Variants in SPTBN2 observed in about 807,000 individuals in gnomAD.
SPTBN2 encodes spectrin beta, non-erythrocytic 2.
Under a neutral mutation model 284.2 loss-of-function variants are expected in SPTBN2, and 107 were observed. The observed-to-expected ratio is 0.38, with a 90% CI of 0.32 to 0.44. The LOEUF is 0.44. SPTBN2 is among the 20% of genes least tolerant of loss of function. The pLI, the probability that SPTBN2 is intolerant of heterozygous loss-of-function variation, is 1.00. For missense variants in SPTBN2, 2,569 were observed against 3,287.1 expected (o/e 0.78, Z 5.34); for synonymous variants, 1,289 against 1,354.8 (o/e 0.95, Z 1.07).
intron 3 of SPTBN2, 66 bp downstream of exon 3, chr11:66,721,018 C>G: frequency 1.2e-6 from 2 of 1,606,442 alleles, no homozygotes; most frequent in Non-Finnish European, 8.5e-7. Flanking sequence ...AGTTAAAGGG[C>G]TCTTCATGAC....
At chr11:66,717,828 C>A (rs1259736108) in intron 3 of SPTBN2, among the ~76,000 whole-genome samples, 1 of 152,218 alleles carries the variant, frequency 6.6e-6, no homozygotes, top group Non-Finnish European at 1.5e-5. Context: ...GATCCTTACA[C>A]ACACACACAC....
Position 66,688,168 on chromosome 11 carries a change from C to G in SPTBN2, c.6374+1G>C. ...TCCTACCCAGGCATCCTGGCTCTCACCCGTCCCAGGTGGTGTCAGAAGCTG... is the reference window on the plus strand; with the variant it reads ...TCCTACCCAGGCATCCTGGCTCTCAGCCGTCCCAGGTGGTGTCAGAAGCTG... On this transcript the variant is annotated splice_donor_variant, in intron 32 of 37. Coordinates refer to ENST00000533211, the MANE Select transcript of SPTBN2 (RefSeq NM_006946.4). LOFTEE classifies it high-confidence loss of function. 1 of 1,613,516 alleles carries G rather than the reference C, an allele frequency of 6.2e-7. No homozygotes were observed. The highest frequency in any genetic ancestry group is 8.5e-7 in the Non-Finnish European group (1 of 1,180,036).
chr11:66,734,596 G>A (rs1942839866), intron 1 of SPTBN2, among the ~76,000 whole-genome samples: 1 of 152,188 alleles, frequency 6.6e-6, no homozygotes, highest in Non-Finnish European at 1.5e-5. Context: ...TACTTCCTCT[G>A]GAAAGCCCTC....
In SPTBN2 at chr11:66,684,080, C is replaced by A. The variant is rs1334503824; in HGVS notation, c.*1791G>T. On this transcript the variant is annotated 3_prime_UTR_variant, in exon 38 of 38. Coordinates refer to ENST00000533211, the MANE Select transcript of SPTBN2 (RefSeq NM_006946.4). Reference sequence around the variant, plus strand: ...GGGCTGTGATGTGCTAGTTCTGGGCCTGCACACACCTAACTCGGTCTTCGT... The same window carrying A: ...GGGCTGTGATGTGCTAGTTCTGGGCATGCACACACCTAACTCGGTCTTCGT... Among the ~76,000 whole-genome samples, 1 of 152,344 alleles carries A rather than the reference C, an allele frequency of 6.6e-6. No homozygotes were observed. The highest frequency in any genetic ancestry group is 2.1e-4 in the South Asian group (1 of 4,830).
At chr11:66,739,980 C>T (rs979780986) in intron 1 of SPTBN2, among the ~76,000 whole-genome samples, 8 of 152,160 alleles carry the variant, frequency 5.3e-5, no homozygotes, top group East Asian at 1.9e-4. Context: ...TGCAGTGAGC[C>T]GAGATCCTGC....
In SPTBN2 at chr11:66,699,615, G is replaced by A. The variant is rs1280703154; in HGVS notation, c.3574-7C>T. The stretch of plus-strand genomic sequence containing the variant: ...TGTGAGACAGAACATATTCCTGTGT[G>A]GGAGGGATGACATTCAGCTCATTTT... On this transcript the variant is annotated splice_region_variant and splice_polypyrimidine_tract_variant and intron_variant, in intron 17 of 37. Coordinates refer to ENST00000533211, the MANE Select transcript of SPTBN2 (RefSeq NM_006946.4). The A allele has an allele frequency of 2.5e-6, 4 of 1,613,688 alleles. No homozygotes were observed. The highest frequency in any genetic ancestry group is 3.4e-6 in the Non-Finnish European group (4 of 1,179,922).
In SPTBN2 at chr11:66,710,553, G is replaced by A. The variant is rs1386202157; in HGVS notation, c.1073+29C>T. ...CTTCCTCTCGTGGGAGCACAGCTCA[G>A]GGAAGGGTGGGGCCCCAGGGACACC... On this transcript the variant is annotated intron_variant, in intron 10 of 37. Coordinates refer to ENST00000533211, the MANE Select transcript of SPTBN2 (RefSeq NM_006946.4). The surrounding 1 kb of genome is among the most constrained non-coding windows in gnomAD (Gnocchi z 4.9). 2.4e-5 allele frequency: 39 copies of A among 1,609,464 alleles called. No homozygotes were observed. The highest frequency in any genetic ancestry group is 6.7e-5 in the East Asian group (3 of 44,756).
Position 66,687,950 on chromosome 11 carries a change from C to T in SPTBN2, c.6451-32G>A, listed in dbSNP as rs534698296. 3.3e-5 allele frequency: 53 copies of T among 1,614,102 alleles called. 2 individuals carry two copies. The highest frequency in any genetic ancestry group is 2.5e-4 in the South Asian group (23 of 91,084). On this transcript the variant is annotated intron_variant, in intron 33 of 37. Coordinates refer to ENST00000533211, the MANE Select transcript of SPTBN2 (RefSeq NM_006946.4). The surrounding 1 kb of genome is among the most constrained non-coding windows in gnomAD (Gnocchi z 5.2). ...GGACAAGAATCTGTAAAAGGATGTG[C>T]GGGGGTGGAGGGGCTACGACTCCGA...
rs1590913673 is a variant in SPTBN2, at chr11:66,690,094, G to T, written c.5755C>A (p.Leu1919Met). Residue 1919 changes from leucine (L) to methionine (M), a missense_variant, in exon 28 of 38, where the codon CTG becomes ATG. By Grantham distance (15) the Leu-to-Met change is conservative (BLOSUM62 2). Transcript: ENST00000533211. Reference protein sequence around the residue: ...KFRFFKAVRELMLWMDEVNLQ... With the variant: ...KFRFFKAVREMMLWMDEVNLQ... ...TTGACCTCATCCATCCAGAGCATCA[G>T]TTCCCGGACAGCCTTGAAGAAGCGG... 6.2e-7 allele frequency: 1 copy of T among 1,614,260 alleles called. No individual in the cohort carries two copies. Among genetic ancestry groups the T allele is most frequent in the Non-Finnish European group, 8.5e-7 (1 of 1,180,052 alleles).
At position 66,701,159 on chromosome 11, in the gene SPTBN2, G is replaced by A. The variant is rs1941222908; in HGVS notation, c.2940C>T (p.Val980=). Residue 980 remains valine, a synonymous_variant, in exon 17 of 38, where the codon GTC becomes GTT. Transcript: ENST00000533211. ...TQAWMREKTK[V]IESTQGLGND... Reference sequence around the variant, plus strand: ...TGCCTAGGCCCTGGGTGGACTCGATGACTTTGGTCTTCTCTCTCATCCAGG... The same window carrying A: ...TGCCTAGGCCCTGGGTGGACTCGATAACTTTGGTCTTCTCTCTCATCCAGG... 1.9e-6 allele frequency: 3 copies of A among 1,613,054 alleles called. No homozygotes were observed. The highest frequency in any genetic ancestry group is 2.5e-6 in the Non-Finnish European group (3 of 1,180,048).
intron 1 of SPTBN2, among the ~76,000 whole-genome samples, chr11:66,736,353 A>G (rs1942851214): frequency 6.6e-6 from 1 of 152,160 alleles, no homozygotes; most frequent in South Asian, 2.1e-4. Context: ...TCCAGGTGGG[A>G]CTCAAACCAG....
At chr11:66,722,303 G>A (rs985219602) in intron 1 of SPTBN2, among the ~76,000 whole-genome samples, 20 of 151,756 alleles carry the variant, frequency 1.3e-4, no homozygotes, top group East Asian at 3.9e-4. Context: ...GGCTGGGCGC[G>A]GTGTCTCACG....
intron 1 of SPTBN2, among the ~76,000 whole-genome samples, chr11:66,736,494 CTTTGAG>C (rs1218885854): frequency 6.6e-6 from 1 of 152,192 alleles, no homozygotes; most frequent in Non-Finnish European, 1.5e-5. Flanking sequence ...TTCTCAATAC[CTTTGAG>C]TTTATCAGTC....
chr11:66,688,263 GCTC>G lies in SPTBN2; in HGVS notation c.6277_6279del (p.Glu2093del), dbSNP rs752950222. The G allele has an allele frequency of 2.0e-5, 32 of 1,612,328 alleles. No individual in the cohort carries two copies. Among genetic ancestry groups the G allele is most frequent in the East Asian group, 4.5e-5 (2 of 44,834 alleles). On this transcript the variant is annotated inframe_deletion, in exon 32 of 38. Coordinates refer to ENST00000533211, the MANE Select transcript of SPTBN2 (RefSeq NM_006946.4). ...TCGGGAGCAGGCGGCTGTTTCCGCCGCTCCTCCTCCTCCCTCTTTCTCTTTCGC... is the reference window on the plus strand; with the variant it reads ...TCGGGAGCAGGCGGCTGTTTCCGCCGCTCCTCCTCCCTCTTTCTCTTTCGC...
In SPTBN2 at chr11:66,700,668, C is replaced by T. The variant is rs558572111; in HGVS notation, c.3431G>A (p.Arg1144Gln). The T allele has an allele frequency of 6.5e-5, 104 of 1,607,126 alleles. No individual in the cohort carries two copies. Among genetic ancestry groups the T allele is most frequent in the Admixed American group, 3.3e-4 (20 of 60,012 alleles). ...AGTTCCCAGGGCCTCCAGTCGCTGT[C>T]GTAGGAAGAGGCACTGGGGGTCAGC... The part of the protein sequence containing the change: ...DQADPQCLFL[R>Q]QRLEALGTGW... Residue 1144 changes from arginine (R) to glutamine (Q), a missense_variant, in exon 17 of 38, where the codon CGA (arginine) becomes CAA (glutamine). Physicochemically the swap from Arg to Gln is conservative, Grantham distance 43 (BLOSUM62 1). Coordinates refer to ENST00000533211, the MANE Select transcript of SPTBN2 (RefSeq NM_006946.4). The surrounding 1 kb of genome is among the most constrained non-coding windows in gnomAD (Gnocchi z 6.6).
intron 27 of SPTBN2, 168 bp from the exon 28 acceptor site, chr11:66,690,451 C>G: frequency 1.1e-6 from 1 of 921,638 alleles, no homozygotes; most frequent in Non-Finnish European, 1.6e-6. Flanking sequence ...GGGCTGGCCA[C>G]ACTCTGCCCT....
upstream of SPTBN2, among the ~76,000 whole-genome samples, chr11:66,729,794 A>G (rs1942770772): frequency 6.6e-6 from 1 of 151,980 alleles, no homozygotes; most frequent in African/African-American, 2.4e-5. Context: ...GCTGCATTTG[A>G]GGCTATTTAT....
At chr11:66,740,536 C>A (rs1942888919) in intron 1 of SPTBN2, among the ~76,000 whole-genome samples, 1 of 152,124 alleles carries the variant, frequency 6.6e-6, no homozygotes, top group Non-Finnish European at 1.5e-5. Flanking sequence ...GTGGAGAAGG[C>A]CTCAAGAAGG....
chr11:66,695,142 C>T (rs1199092507), intron 21 of SPTBN2, among the ~76,000 whole-genome samples: 3 of 152,234 alleles, frequency 2.0e-5, no homozygotes, highest in African/African-American at 7.2e-5. Context: ...CTCCTCAACC[C>T]CAGAGGTGTC....
Sources: allele counts gnomAD v4.1 joint callset (sites outside exome capture counted in the v4.1 genomes callset), GRCh38; gene constraint gnomAD v4.1.1; non-coding constraint Gnocchi (gnomAD v3.1); transcripts MANE v1.5; gene names NCBI Gene and HGNC (gene_info 2026-07-23, HGNC 2026-07-21).